ANKS1A: variants seen among roughly 807,000 people sequenced by gnomAD.
ANKS1A encodes the protein ankyrin repeat and SAM domain-containing protein 1A.
ANKS1A carries 55 observed loss-of-function variants against 120.3 expected under a neutral mutation model. That is an observed-to-expected ratio of 0.46 (90% CI 0.37 to 0.57). The LOEUF (loss-of-function observed/expected upper bound fraction) is 0.57. ANKS1A is among the 20% of genes least tolerant of loss of function. The pLI is 0.00. For missense variants in ANKS1A, 1,123 were observed against 1,480.3 expected (o/e 0.76, Z 3.96); for synonymous variants, 590 against 604.7 (o/e 0.98, Z 0.36).
chr6:35,038,642 C>T lies in ANKS1A; in HGVS notation c.2011-15457C>T, dbSNP rs372310568. ...GACTATAGGCGTGCGCCACCATGCG[C>T]GGCTGTTTTTGTTTTTGTTTTTTTG... On this transcript the variant is annotated intron_variant, in intron 11 of 23. Coordinates refer to ENST00000360359, the MANE Select transcript of ANKS1A (RefSeq NM_015245.3). Among the ~76,000 whole-genome samples, 44 of 151,954 alleles carry T rather than the reference C, an allele frequency of 2.9e-4. No individual in the cohort carries two copies. The East Asian group carries it at 6.8e-3, about 23-fold the overall frequency.
At chr6:35,078,728 A>G in intron 14 of ANKS1A, 72 bp downstream of exon 14, 1 of 1,406,450 alleles carries the variant, frequency 7.1e-7, no homozygotes, top group South Asian at 1.2e-5. Context: ...ACCTGCACCA[A>G]GAACAGGGGA....
chr6:34,994,218 G>A, intron 9 of ANKS1A, 84 bp from the exon 10 acceptor site: 2 of 1,520,376 alleles, frequency 1.3e-6, no homozygotes, highest in South Asian at 1.2e-5. Flanking sequence ...TGAAAAAAGA[G>A]CCAATAATCT....
Position 34,990,591 on chromosome 6 carries a change from T to C in ANKS1A, c.1302+1275T>C, listed in dbSNP as rs1772453464. On this transcript the variant is annotated intron_variant, in intron 9 of 23. Coordinates refer to ENST00000360359, the MANE Select transcript of ANKS1A (RefSeq NM_015245.3). ...CCTTCTGCCCCTCTTTAACAAGCAC[T>C]TGAGTTAAAATTCATAATGCTTGGG... Among the ~76,000 whole-genome samples the C allele has an allele frequency of 2.0e-5, 3 of 151,812 alleles. No homozygotes were observed. The South Asian group carries it at 6.3e-4, about 32-fold the overall frequency.
chr6:35,017,596 C>G lies in ANKS1A; in HGVS notation c.1547C>G (p.Pro516Arg). 6.2e-7 allele frequency: 1 copy of G among 1,613,998 alleles called. No homozygotes were observed. Among genetic ancestry groups the G allele is most frequent in the Non-Finnish European group, 8.5e-7 (1 of 1,179,944 alleles). Residue 516 changes from proline (P) to arginine (R), a missense_variant, in exon 11 of 24, where the codon CCT (proline) becomes CGT (arginine). Coordinates refer to ENST00000360359, the MANE Select transcript of ANKS1A (RefSeq NM_015245.3). ...SSPVCEVGQD[P>R]FQLLCTAGQS... ...CCGGTGTGCGAGGTGGGGCAGGACCCTTTCCAGCTGCTCTGTACCGCTGGC... is the reference window on the plus strand; with the variant it reads ...CCGGTGTGCGAGGTGGGGCAGGACCGTTTCCAGCTGCTCTGTACCGCTGGC...
At chr6:34,997,608 G>A (rs1034009554) in intron 10 of ANKS1A, among the ~76,000 whole-genome samples, 2 of 152,166 alleles carry the variant, frequency 1.3e-5, no homozygotes, top group Non-Finnish European at 2.9e-5. Context: ...TAAAAAACAA[G>A]CAATTAATGA....
chr6:35,007,749 T>G (rs889106823), intron 10 of ANKS1A, among the ~76,000 whole-genome samples: 22 of 152,270 alleles, frequency 1.4e-4, no homozygotes, highest in Non-Finnish European at 2.9e-4. Context: ...ATGTGGACTT[T>G]CTGGCGTGCA....
rs778018123 is a variant in ANKS1A, at chr6:34,889,585, C to T, written c.183C>T (p.Leu61=). ...GCCTCGGCTCTTCCAGCCACCCCCT[C>T]TCCAGTCTGCTCAGGTGGGTACGCG... is the stretch of plus-strand genomic sequence containing the variant. ...GGGLGSSSHP[L]SSLLSMWRGP... Residue 61 remains leucine (L), a synonymous_variant, in exon 1 of 24, where the codon CTC becomes CTT. Coordinates refer to ENST00000360359, the MANE Select transcript of ANKS1A (RefSeq NM_015245.3). This position sits in a 1 kb window ranked among gnomAD's most constrained non-coding sequence, Gnocchi z 5.5. 2.1e-5 allele frequency: 27 copies of T among 1,299,616 alleles called. No individual in the cohort carries two copies. The South Asian group carries it at 4.8e-4, about 23-fold the overall frequency. The allele number at this position is 1,299,616 out of a possible 1,614,324, so 80.5% of individuals were successfully genotyped here. A position where few individuals can be genotyped will look rare whatever the true frequency, so the allele number is the denominator to read the frequency against.
chr6:35,067,690 C>A (rs975667474), intron 13 of ANKS1A, among the ~76,000 whole-genome samples: 1 of 152,116 alleles, frequency 6.6e-6, no homozygotes, highest in African/African-American at 2.4e-5. Flanking sequence ...AGCCTATAAT[C>A]CCAATTTTGC....
In ANKS1A at chr6:34,953,903, G is replaced by C. The variant is rs539869074; in HGVS notation, c.198-13336G>C. On this transcript the variant is annotated intron_variant, in intron 1 of 23. Coordinates refer to ENST00000360359, the MANE Select transcript of ANKS1A (RefSeq NM_015245.3). Reference sequence around the variant, plus strand: ...TGGAGGCCATTTTCATAGAGTTTCAGCAGTTCTGTGCCTTCTTTACAGTTG... The same window carrying C: ...TGGAGGCCATTTTCATAGAGTTTCACCAGTTCTGTGCCTTCTTTACAGTTG... Among the ~76,000 whole-genome samples the C allele has an allele frequency of 3.9e-5, 6 of 152,240 alleles. No homozygotes were observed. In the South Asian group the frequency reaches 1.2e-3, roughly 32 times the overall value.
intron 1 of ANKS1A, among the ~76,000 whole-genome samples, chr6:34,937,325 A>T (rs184077232): frequency 0.024 from 3,590 of 151,488 alleles, 60 homozygotes; most frequent in African/African-American, 0.041. Context: ...ATATATATAT[A>T]TTTTTTTAAA....
At chr6:35,052,109 G>A (rs1333861201) in intron 11 of ANKS1A, among the ~76,000 whole-genome samples, 3 of 152,128 alleles carry the variant, frequency 2.0e-5, no homozygotes, top group Admixed American at 2.0e-4. Flanking sequence ...GAGCCCAGGA[G>A]TTTGAAACCA....
At chr6:35,019,161 A>C (rs572103392) in intron 11 of ANKS1A, among the ~76,000 whole-genome samples, 2 of 152,310 alleles carry the variant, frequency 1.3e-5, no homozygotes, top group Admixed American at 1.3e-4. Flanking sequence ...TGTGTTTCTC[A>C]AAGATAGGTA....
intron 13 of ANKS1A, among the ~76,000 whole-genome samples, chr6:35,073,604 G>C (rs998855088): frequency 1.3e-5 from 2 of 152,240 alleles, no homozygotes; most frequent in South Asian, 4.1e-4. Flanking sequence ...GTCACTTGGA[G>C]TTGTGAAGCT....
intron 8 of ANKS1A, among the ~76,000 whole-genome samples, chr6:34,988,918 T>C (rs1217646547): frequency 6.6e-6 from 1 of 152,226 alleles, no homozygotes; most frequent in African/African-American, 2.4e-5. Context: ...ATCAGTATTA[T>C]GAAGGAAATT....
At chr6:34,969,779 C>T (rs1442732910) in intron 2 of ANKS1A, among the ~76,000 whole-genome samples, 1 of 152,148 alleles carries the variant, frequency 6.6e-6, no homozygotes, top group Non-Finnish European at 1.5e-5. Context: ...AAAGCCTAAA[C>T]AGAGAGGTGA....
chr6:34,976,512 T>A (rs1462783908), intron 3 of ANKS1A, among the ~76,000 whole-genome samples: 2 of 152,170 alleles, frequency 1.3e-5, no homozygotes, highest in Non-Finnish European at 2.9e-5. Flanking sequence ...TTAGGGCAGA[T>A]CTATTTTTTT....
chr6:34,889,782 C>T lies in ANKS1A; in HGVS notation c.197+183C>T, dbSNP rs547818226. 3.9e-5 allele frequency among the ~76,000 whole-genome samples: 6 copies of T among 152,150 alleles called. No individual in the cohort carries two copies. The highest frequency in any genetic ancestry group is 9.6e-5 in the African/African-American group (4 of 41,522). On this transcript the variant is annotated intron_variant, in intron 1 of 23. Transcript: ENST00000360359. This position sits in a 1 kb window ranked among gnomAD's most constrained non-coding sequence, Gnocchi z 5.5. Reference sequence around the variant, plus strand: ...GGCGCGCAGGTCCGAGTCCACGCTGCTCCGGGCTCGCCTGGTCTCCCGTTC... The same window carrying T: ...GGCGCGCAGGTCCGAGTCCACGCTGTTCCGGGCTCGCCTGGTCTCCCGTTC...
intron 2 of ANKS1A, among the ~76,000 whole-genome samples, chr6:34,967,773 A>G (rs1561877523): frequency 1.3e-5 from 2 of 152,050 alleles, no homozygotes; most frequent in Non-Finnish European, 2.9e-5. Flanking sequence ...AGTTCAGTTC[A>G]TTCAGCATTT....
rs1229281148 is a variant in ANKS1A, at chr6:35,088,782, C to T, written c.*173C>T. Reference sequence around the variant, plus strand: ...CCTGCCACCACCACGTCCTGCAGAACGAGCCCTGCCTTGGCTGTGGAGAAG... The same window carrying T: ...CCTGCCACCACCACGTCCTGCAGAATGAGCCCTGCCTTGGCTGTGGAGAAG... On this transcript the variant is annotated 3_prime_UTR_variant, in exon 24 of 24. Coordinates refer to ENST00000360359, the MANE Select transcript of ANKS1A (RefSeq NM_015245.3). 11 of 1,531,386 alleles carry T rather than the reference C, an allele frequency of 7.2e-6. No homozygotes were observed. Among genetic ancestry groups the T allele is most frequent in the East Asian group, 4.9e-5 (2 of 41,156 alleles). The allele number at this position is 1,531,386 out of a possible 1,614,324, so 94.9% of individuals were successfully genotyped here.
Sources: gnomAD v4.1 joint callset for allele counts (sites outside exome capture counted in the v4.1 genomes callset) on GRCh38, gnomAD v4.1.1 for gene constraint, Gnocchi (gnomAD v3.1) non-coding constraint, MANE v1.5 for transcripts, NCBI Gene and HGNC (gene_info 2026-07-23, HGNC 2026-07-21) for gene names.